NOTCH1: variants seen among roughly 807,000 people sequenced by gnomAD.
The protein encoded by NOTCH1 is notch receptor 1, also known as neurogenic locus notch homolog protein 1.
In NOTCH1, 37 loss-of-function variants were observed where a neutral mutation model predicts 254.8. The observed-to-expected ratio is 0.15, with a 90% CI of 0.11 to 0.19. The LOEUF is 0.19. Ranked by LOEUF, NOTCH1 falls within the 10% of genes least tolerant of loss-of-function variation. The probability of loss-of-function intolerance (pLI) is 1.00; values close to 1 mark genes in which losing one functional copy is unlikely to be tolerated. For missense variants in NOTCH1, 2,972 were observed against 3,708.6 expected (o/e 0.80, Z 5.16); for synonymous variants, 1,731 against 1,618.1 (o/e 1.07, Z -1.68).
At chr9:136,508,826 C>T (rs1212741174) in intron 19 of NOTCH1, 44 bp downstream of exon 19, 2 of 1,515,516 alleles carry the variant, frequency 1.3e-6, no homozygotes, top group Non-Finnish European at 8.9e-7. Flanking sequence ...TAGGCACCCA[C>T]CCAGGGCCCC....
chr9:136,496,593 G>C lies in NOTCH1; in HGVS notation c.7146C>G (p.Thr2382=), dbSNP rs1842918707. 6.2e-7 allele frequency: 1 copy of C among 1,612,840 alleles called. No homozygotes were observed. The highest frequency in any genetic ancestry group is 8.5e-7 in the Non-Finnish European group (1 of 1,179,990). The change falls in exon 34 of 34, where the codon ACC becomes ACG. Residue 2382 remains threonine (T), a synonymous_variant. Transcript: ENST00000651671. Reference sequence around the variant, plus strand: ...GTAAGTTTTGTGGCTGCACCTGCTGGGTCTGCACCAGGTGAGGCTGGGTGG... The same window carrying C: ...GTAAGTTTTGTGGCTGCACCTGCTGCGTCTGCACCAGGTGAGGCTGGGTGG... ...RLATQPHLVQ[T]QQVQPQNLQM... is the part of the protein sequence containing the mutation.
At chr9:136,535,503 AGGGTGG>A (rs1564210852) in intron 2 of NOTCH1, among the ~76,000 whole-genome samples, 1 of 74,974 alleles carries the variant, frequency 1.3e-5, no homozygotes. Context: ...CAATGGGTGC[AGGGTGG>A]GAGTGGGTGG....
At position 136,497,481 on chromosome 9, in the gene NOTCH1, G is replaced by A. The variant is rs747133201; in HGVS notation, c.6258C>T (p.Asn2086=). 5.0e-6 allele frequency: 8 copies of A among 1,612,250 alleles called. No individual in the cohort carries two copies. In the South Asian group the frequency reaches 5.5e-5, roughly 11 times the overall value. Residue 2086 remains asparagine, a synonymous_variant, in exon 34 of 34, where the codon AAC becomes AAT. Transcript: ENST00000651671. ...TAKVLLDHFA[N]RDITDHMDRL... ...GGTCCATATGATCCGTGATGTCCCG[G>A]TTGGCAAAGTGGTCCAGCAGCACCT...
rs1166011855 is a variant in NOTCH1 at position 136,508,852 on chromosome 9, T to C, written c.3171+18A>G. 6.5e-7 allele frequency: 1 copy of C among 1,538,352 alleles called. No individual in the cohort carries two copies. The highest frequency in any genetic ancestry group is 8.8e-7 in the Non-Finnish European group (1 of 1,139,494). On this transcript the variant is annotated intron_variant, in intron 19 of 33. Transcript: ENST00000651671. ...CCAGGGCCCCTCCTTCGGGCACCTC[T>C]GTGGCCGGCGCACTCACCTGGCAGT...
rs2133339138 is a variant in NOTCH1, at chr9:136,505,453, G to A, written c.4443C>T (p.Leu1481=). ...AGTTCTTCCAGGGGTCATTGAAGTT[G>A]AGGGAGCAGTCACCGCCGTCCCAGC... is the stretch of plus-strand genomic sequence containing the variant. The part of the protein sequence containing the change: ...ACGWDGGDCS[L]NFNDPWKNCT... Residue 1481 remains leucine, a synonymous_variant, in exon 25 of 34, where the codon CTC becomes CTT. Coordinates refer to ENST00000651671, the MANE Select transcript of NOTCH1 (RefSeq NM_017617.5). The A allele has an allele frequency of 6.2e-7, 1 of 1,612,872 alleles. No individual in the cohort carries two copies. The highest frequency in any genetic ancestry group is 8.5e-7 in the Non-Finnish European group (1 of 1,180,004).
At position 136,506,015 on chromosome 9, in the gene NOTCH1, G is replaced by T; in HGVS notation, c.4015-134C>A. On this transcript the variant is annotated intron_variant, in intron 24 of 33. Coordinates refer to ENST00000651671, the MANE Select transcript of NOTCH1 (RefSeq NM_017617.5). The surrounding 1 kb of genome is among the most constrained non-coding windows in gnomAD (Gnocchi z 4.5). ...GAGGCGGCCTGCAACCTTGCCCCCA[G>T]CAGCAAAACCCTTTACACACATTCT... 1.3e-6 allele frequency: 1 copy of T among 743,140 alleles called. No individual in the cohort carries two copies. Among genetic ancestry groups the T allele is most frequent in the Non-Finnish European group, 2.2e-6 (1 of 463,164 alleles). The allele number at this position is 743,140 out of a possible 1,614,324, so 46.0% of individuals were successfully genotyped here. A position where few individuals can be genotyped will look rare whatever the true frequency, so the allele number is the denominator to read the frequency against.
At chr9:136,524,858 G>C (rs527728727) in intron 2 of NOTCH1, among the ~76,000 whole-genome samples, 7 of 152,136 alleles carry the variant, frequency 4.6e-5, no homozygotes, top group Admixed American at 2.0e-4. Context: ...GGCTGGTCTT[G>C]ATCTCTTGAC....
Position 136,501,884 on chromosome 9 carries a change from C to T in NOTCH1, c.5502G>A (p.Leu1834=), listed in dbSNP as rs1259279311. 1 of 1,612,182 alleles carries T rather than the reference C, an allele frequency of 6.2e-7. No homozygotes were observed. Among genetic ancestry groups the T allele is most frequent in the Non-Finnish European group, 8.5e-7 (1 of 1,179,958 alleles). Residue 1834 remains leucine, a synonymous_variant, in exon 30 of 34, where the codon CTG becomes CTA. Transcript: ENST00000651671. The stretch of plus-strand genomic sequence containing the variant: ...ACTGCCGGTGGTCTGTCTGGTCGTC[C>T]AGGTCAGGCAGAACCACGGGCTCCT... ...RFEEPVVLPD[L]DDQTDHRQWT...
intron 12 of NOTCH1, 21 bp from the exon 13 acceptor site, chr9:136,514,723 A>G (rs759378032): frequency 6.8e-6 from 11 of 1,608,748 alleles, no homozygotes; most frequent in Admixed American, 1.7e-5. Context: ...GGCGGGTCAG[A>G]CTCCGAGGCC....
At chr9:136,508,635 C>T (rs1470995444) in intron 19 of NOTCH1, among the ~76,000 whole-genome samples, 1 of 152,212 alleles carries the variant, frequency 6.6e-6, no homozygotes, top group Non-Finnish European at 1.5e-5. Context: ...CTCAATTCCC[C>T]AATTCCTGAG....
intron 15 of NOTCH1, 146 bp from the exon 16 acceptor site, chr9:136,511,417 C>A: frequency 2.0e-6 from 2 of 1,021,982 alleles, no homozygotes; most frequent in Non-Finnish European, 2.8e-6. Context: ...CCTGAGCGCT[C>A]CCGGCTGTGC....
chr9:136,538,334 A>G (rs1383371314), intron 2 of NOTCH1, among the ~76,000 whole-genome samples: 2 of 148,220 alleles, frequency 1.3e-5, no homozygotes, highest in Non-Finnish European at 3.0e-5. Context: ...GCCTCGCCGC[A>G]GGGCCCACAG....
rs921655858 is a variant in NOTCH1 at position 136,518,872 on chromosome 9, G to A, written c.866-48C>T. On this transcript the variant is annotated intron_variant, in intron 5 of 33. Transcript: ENST00000651671. Reference sequence around the variant, plus strand: ...GCCCCGGGCAGCTGCCACTCCCTGAGCTCCCTGTCCCCTAAGACGCAGGGT... The same window carrying A: ...GCCCCGGGCAGCTGCCACTCCCTGAACTCCCTGTCCCCTAAGACGCAGGGT... 9 of 1,549,766 alleles carry A rather than the reference G, an allele frequency of 5.8e-6. No homozygotes were observed. The African/African-American group carries it at 1.1e-4, about 19-fold the overall frequency.
chr9:136,513,165 C>G lies in NOTCH1; in HGVS notation c.2354-31G>C, dbSNP rs1287630400. The G allele has an allele frequency of 1.3e-6, 2 of 1,570,404 alleles. No individual in the cohort carries two copies. The highest frequency in any genetic ancestry group is 2.2e-5 in the East Asian group (1 of 44,650). ...GGGAAGGGGACAGCACTCGGCATGTCCAGCACTCCCAGGCACCTTGGCAGG... is the reference window on the plus strand; with the variant it reads ...GGGAAGGGGACAGCACTCGGCATGTGCAGCACTCCCAGGCACCTTGGCAGG... On this transcript the variant is annotated intron_variant, in intron 14 of 33. Coordinates refer to ENST00000651671, the MANE Select transcript of NOTCH1 (RefSeq NM_017617.5). This position sits in a 1 kb window ranked among gnomAD's most constrained non-coding sequence, Gnocchi z 4.7.
chr9:136,526,687 C>G (rs1356778962), intron 2 of NOTCH1, among the ~76,000 whole-genome samples: 3 of 152,248 alleles, frequency 2.0e-5, no homozygotes, highest in African/African-American at 7.2e-5. Flanking sequence ...CCACTCCCCA[C>G]CCTGAGCGCG....
Position 136,535,915 on chromosome 9 carries a change from CCGGGG to C in NOTCH1, c.140+8104_140+8108del, listed in dbSNP as rs1167265078. Among the ~76,000 whole-genome samples, 5 of 109,554 alleles carry C rather than the reference CCGGGG, an allele frequency of 4.6e-5. No individual in the cohort carries two copies. In the East Asian group the frequency reaches 1.0e-3, roughly 22 times the overall value. The allele number at this position is 109,554 out of a possible 152,430, so 71.9% of individuals were successfully genotyped here. On this transcript the variant is annotated intron_variant, in intron 2 of 33. Coordinates refer to ENST00000651671, the MANE Select transcript of NOTCH1 (RefSeq NM_017617.5). ...GAGGGGGGAGCACTCAGGATCCCTC[CCGGGG>C]CAATGAGTGCAGGGTGGGTGGAGAG...
chr9:136,508,224 C>T lies in NOTCH1; in HGVS notation c.3325+8G>A, dbSNP rs2133346970. 1 of 1,610,912 alleles carries T rather than the reference C, an allele frequency of 6.2e-7. No individual in the cohort carries two copies. The highest frequency in any genetic ancestry group is 8.5e-7 in the Non-Finnish European group (1 of 1,179,110). The stretch of plus-strand genomic sequence containing the variant: ...TGGGACCCGAGCTGGGTGGGCACAG[C>T]AGGTTACCTTGTCGCTGCGCAGCCA... On this transcript the variant is annotated splice_region_variant and intron_variant, in intron 20 of 33. Transcript: ENST00000651671.
At chr9:136,544,240 A>T in intron 1 of NOTCH1, 138 bp from the exon 2 acceptor site, 5 of 806,336 alleles carry the variant, frequency 6.2e-6, no homozygotes, top group Non-Finnish European at 1.1e-5. Flanking sequence ...TCTGCTCAGT[A>T]TCATGGGTTG....
Position 136,497,139 on chromosome 9 carries a change from C to G in NOTCH1, c.6600G>C (p.Val2200=), listed in dbSNP as rs1050753204. 1.2e-6 allele frequency: 2 copies of G among 1,612,700 alleles called. No individual in the cohort carries two copies. The highest frequency in any genetic ancestry group is 1.7e-6 in the Non-Finnish European group (2 of 1,179,932). Residue 2200 remains valine, a synonymous_variant, in exon 34 of 34, where the codon GTG becomes GTC. Coordinates refer to ENST00000651671, the MANE Select transcript of NOTCH1 (RefSeq NM_017617.5). ...AGCCATGGGGTGACTCCAGGGAGTC[C>G]ACGGGCGAGAGCATGCCGGAGCTGT... ...LLDSSGMLSP[V]DSLESPHGYL...
Sources: gnomAD v4.1 joint callset for allele counts (sites outside exome capture counted in the v4.1 genomes callset) on GRCh38, gnomAD v4.1.1 for gene constraint, Gnocchi (gnomAD v3.1) non-coding constraint, MANE v1.5 for transcripts, NCBI Gene and HGNC (gene_info 2026-07-23, HGNC 2026-07-21) for gene names.